The following INO80D variants were observed in gnomAD, a reference collection of about 807,000 sequenced individuals.
INO80D encodes the protein INO80 complex subunit D.
Under a neutral mutation model 87.6 loss-of-function variants are expected in INO80D, and 21 were observed. The observed-to-expected ratio is 0.24, with a 90% confidence interval of 0.17 to 0.35. The LOEUF (loss-of-function observed/expected upper bound fraction) is 0.35, where lower values mean the gene tolerates loss of function less well. INO80D is among the 10% of genes least tolerant of loss of function. The pLI, the probability that INO80D is intolerant of heterozygous loss-of-function variation, is 1.00. For missense variants in INO80D, 982 were observed against 1,280.7 expected, an observed-to-expected ratio of 0.77 and a Z score of 3.56; for synonymous variants, 440 against 491.0, an observed-to-expected ratio of 0.90 and a Z score of 1.37.
At chr2:206,014,539 C>T (rs1156594769) in intron 8 of INO80D, among the ~76,000 whole-genome samples, 1 of 152,134 alleles carries the variant, frequency 6.6e-6, no homozygotes, top group Non-Finnish European at 1.5e-5. Context: ...TTTTGCCTGC[C>T]ACCATCCATG....
At chr2:206,063,101 A>G in intron 2 of INO80D, 50 bp downstream of exon 2, 1 of 924,006 alleles carries the variant, frequency 1.1e-6, no homozygotes, top group Non-Finnish European at 1.7e-6. Context: ...AGTATAAGGC[A>G]GATTTAAGTT....
chr2:206,031,401 G>GA (rs1688762654), intron 5 of INO80D, among the ~76,000 whole-genome samples: 1 of 152,152 alleles, frequency 6.6e-6, no homozygotes, highest in Non-Finnish European at 1.5e-5. Flanking sequence ...CTCATTCATA[G>GA]AAAAAGGAAA....
intron 10 of INO80D, among the ~76,000 whole-genome samples, chr2:206,006,766 G>T (rs968460459): frequency 6.6e-6 from 1 of 152,022 alleles, no homozygotes; most frequent in Non-Finnish European, 1.5e-5. Context: ...ACAACGTTGG[G>T]CCAGGTGTGG....
rs1426131528 is a variant in INO80D at position 206,005,212 on chromosome 2, G to A, written c.2240C>T (p.Pro747Leu). Residue 747 changes from proline to leucine, a missense_variant, in exon 11 of 11, where the codon CCC becomes CTC. Transcript: ENST00000403263. ...CTGCCCCTGGATCTGCCCTGCCAGG[G>A]GTGTAGGTGGGTTTGACAAGGTAGC... Reference protein sequence around the residue: ...RSATLSNPPTPLAGQIQGQFS... With the variant: ...RSATLSNPPTLLAGQIQGQFS... The A allele has an allele frequency of 6.2e-7, 1 of 1,613,958 alleles. No homozygotes were observed. Among genetic ancestry groups the A allele is most frequent in the African/African-American group, 1.3e-5 (1 of 75,022 alleles).
intron 1 of INO80D, among the ~76,000 whole-genome samples, chr2:206,068,193 G>A (rs1689870059): frequency 6.6e-6 from 1 of 151,996 alleles, no homozygotes; most frequent in Non-Finnish European, 1.5e-5. Context: ...CAAACTTCTG[G>A]GCTCAAAAGA....
intron 1 of INO80D, among the ~76,000 whole-genome samples, chr2:206,078,278 G>A (rs1047046537): frequency 2.0e-5 from 3 of 151,932 alleles, no homozygotes; most frequent in Admixed American, 6.6e-5. Context: ...ATTAGCCGGC[G>A]TGGTGGCACG....
At position 206,031,146 on chromosome 2, in the gene INO80D, T is replaced by TG. The variant is rs200075879; in HGVS notation, c.1074-2812dup. On this transcript the variant is annotated intron_variant, in intron 5 of 10. Coordinates refer to ENST00000403263, the MANE Select transcript of INO80D (RefSeq NM_017759.5). ...GTGCATCCCTGTAGTCCCAGCTACT[T>TG]GGGAGGCTGAGGCAGGAGAATCACT... is the stretch of plus-strand genomic sequence containing the variant. Among the ~76,000 whole-genome samples the TG allele has an allele frequency of 3.1e-3, 476 of 151,682 alleles. 1 individual carries two copies. The highest frequency in any genetic ancestry group is 0.011 in the African/African-American group (454 of 41,358).
intron 5 of INO80D, among the ~76,000 whole-genome samples, chr2:206,044,479 G>GT (rs1363422572): frequency 1.3e-5 from 1 of 74,376 alleles, no homozygotes; most frequent in African/African-American, 4.7e-5. Flanking sequence ...ATAAATACCT[G>GT]TTAAAAAAAA....
At chr2:206,013,929 C>A (rs1028127098) in intron 8 of INO80D, among the ~76,000 whole-genome samples, 1 of 151,012 alleles carries the variant, frequency 6.6e-6, no homozygotes, top group African/African-American at 2.4e-5. Flanking sequence ...GAGACCAAGC[C>A]GGGTGGATCA....
Position 206,062,393 on chromosome 2 carries a change from TTC to T in INO80D, c.218+404_218+405del, listed in dbSNP as rs1391761363. Among the ~76,000 whole-genome samples, 2 of 152,256 alleles carry T rather than the reference TTC, an allele frequency of 1.3e-5. No homozygotes were observed. The highest frequency in any genetic ancestry group is 3.9e-4 in the East Asian group (2 of 5,186). ...ATAACACCTAATTAGTTATTTAAAT[TTC>T]TCTCATTTAGGCAAATGAGAAAACT... is the stretch of plus-strand genomic sequence containing the variant. On this transcript the variant is annotated intron_variant, in intron 3 of 10. Transcript: ENST00000403263. This position sits in a 1 kb window ranked among gnomAD's most constrained non-coding sequence, Gnocchi z 4.6.
chr2:206,074,926 C>T (rs775732358), intron 1 of INO80D, among the ~76,000 whole-genome samples: 8 of 151,712 alleles, frequency 5.3e-5, no homozygotes, highest in Non-Finnish European at 1.2e-4. Flanking sequence ...ACGACAAGAG[C>T]GAAACTCCAT....
chr2:206,084,354 T>C lies in INO80D; in HGVS notation c.-124+1547A>G, dbSNP rs536145368. On this transcript the variant is annotated intron_variant, in intron 1 of 10. Transcript: ENST00000403263. ...GAGTTGTAGCAATAACAAGTTTAGG[T>C]TTCCTTAAAATCTCCATTACTCTAT... 3.9e-5 allele frequency among the ~76,000 whole-genome samples: 6 copies of C among 152,046 alleles called. No homozygotes were observed. The East Asian group carries it at 5.8e-4, about 15-fold the overall frequency.
chr2:206,047,220 C>A (rs545714655), intron 4 of INO80D, among the ~76,000 whole-genome samples: 9 of 151,986 alleles, frequency 5.9e-5, no homozygotes, highest in East Asian at 5.9e-4. Flanking sequence ...GGCAGAATTT[C>A]TTTTCTTTTT....
intron 1 of INO80D, among the ~76,000 whole-genome samples, chr2:206,074,931 C>T (rs916764822): frequency 3.0e-4 from 46 of 151,720 alleles, no homozygotes; most frequent in African/African-American, 8.7e-4. Context: ...AAGAGCGAAA[C>T]TCCATCTCGA....
At chr2:206,052,656 G>C (rs190191938) in intron 4 of INO80D, among the ~76,000 whole-genome samples, 2 of 152,014 alleles carry the variant, frequency 1.3e-5, no homozygotes, top group Non-Finnish European at 2.9e-5. Flanking sequence ...GCCAGTTGTG[G>C]TAGTGTGTGC....
intron 3 of INO80D, among the ~76,000 whole-genome samples, chr2:206,060,660 A>G (rs1689665259): frequency 6.6e-6 from 1 of 151,334 alleles, no homozygotes; most frequent in African/African-American, 2.4e-5. Flanking sequence ...TCCTGGGTTC[A>G]AGCAATTCTC....
intron 1 of INO80D, among the ~76,000 whole-genome samples, chr2:206,077,985 G>A (rs1487126269): frequency 2.1e-5 from 3 of 146,134 alleles, no homozygotes; most frequent in Non-Finnish European, 4.5e-5. Flanking sequence ...TGCCTACATG[G>A]GCTGGAAGAG....
intron 3 of INO80D, among the ~76,000 whole-genome samples, chr2:206,059,786 G>C (rs576749642): frequency 2.0e-5 from 3 of 152,276 alleles, no homozygotes; most frequent in African/African-American, 7.2e-5. Flanking sequence ...TAGCAGGTTT[G>C]AGCTAGGTCC....
At chr2:206,076,048 T>A (rs1575891363) in intron 1 of INO80D, among the ~76,000 whole-genome samples, 1 of 112,864 alleles carries the variant, frequency 8.9e-6, no homozygotes, top group South Asian at 2.7e-4. Context: ...TGAGACTCCC[T>A]CTCAAAAAAA....
Sources: gnomAD v4.1 joint callset for allele counts (sites outside exome capture counted in the v4.1 genomes callset) on GRCh38, gnomAD v4.1.1 for gene constraint, Gnocchi (gnomAD v3.1) non-coding constraint, MANE v1.5 for transcripts, NCBI Gene and HGNC (gene_info 2026-07-23, HGNC 2026-07-21) for gene names.